Variants in SPG11 observed in about 807,000 individuals in gnomAD.
The protein encoded by SPG11 is spatacsin.
Under a neutral mutation model 274.0 loss-of-function variants are expected in SPG11, and 222 were observed. The observed-to-expected ratio is 0.81, with a 90% CI of 0.73 to 0.91. The LOEUF (loss-of-function observed/expected upper bound fraction) is 0.91, where lower values mean the gene tolerates loss of function less well. Ranked by LOEUF, SPG11 falls within the 40% of genes least tolerant of loss-of-function variation. SPG11 has a pLI of 0.00. For synonymous variants in SPG11, 1,144 were observed against 1,039.7 expected (o/e 1.10, Z -1.93); for missense variants, 3,114 against 2,872.7 (o/e 1.08, Z -1.92).
intron 33 of SPG11, 21 bp from the exon 34 acceptor site, chr15:44,570,679 A>G: frequency 6.2e-7 from 1 of 1,612,326 alleles, no homozygotes; most frequent in Non-Finnish European, 8.5e-7. Flanking sequence ...GGGCACTGGT[A>G]AGATAAGATT....
chr15:44,608,385 T>G, intron 19 of SPG11, 59 bp downstream of exon 19: 2 of 1,560,962 alleles, frequency 1.3e-6, no homozygotes, highest in East Asian at 4.5e-5. Context: ...TCTAGAGTGA[T>G]TTCTGTTTTC....
intron 7 of SPG11, among the ~76,000 whole-genome samples, chr15:44,636,952 A>AAAAAAAAAAAAAAAAAAAAAAAAAAAG (rs2084289783): frequency 7.9e-6 from 1 of 127,368 alleles, no homozygotes; most frequent in Non-Finnish European, 1.6e-5. Flanking sequence ...AAAAAAAAAA[A>AAAAAAAAAAAAAAAAAAAAAAAAAAAG]AAAAACAAAA....
At chr15:44,635,970 A>AT (rs1453454129) in intron 7 of SPG11, among the ~76,000 whole-genome samples, 2 of 152,170 alleles carry the variant, frequency 1.3e-5, no homozygotes, top group Non-Finnish European at 2.9e-5. Context: ...AGCAGTGTGC[A>AT]TAAGAATCAC....
rs777347946 is a variant in SPG11 at position 44,651,854 on chromosome 15, C to T, written c.1093G>A (p.Asp365Asn). The T allele has an allele frequency of 6.2e-6, 10 of 1,613,844 alleles. No homozygotes were observed. Among genetic ancestry groups the T allele is most frequent in the Non-Finnish European group, 8.5e-6 (10 of 1,179,860 alleles). ...EVSCCAPWFQ[D>N]ILHLESPESG... ...TCAGGTGACTCCAAATGCAAAATAT[C>T]CTGGAACCATGGAGCACAACAGGAA... The change falls in exon 6 of 40, where the codon GAT becomes AAT. Residue 365 changes from aspartate to asparagine, a missense_variant. Coordinates refer to ENST00000261866, the MANE Select transcript of SPG11 (RefSeq NM_025137.4).
At chr15:44,651,999 A>G in intron 5 of SPG11, 60 bp from the exon 6 acceptor site, 1 of 1,576,340 alleles carries the variant, frequency 6.3e-7, no homozygotes, top group Non-Finnish European at 8.6e-7. Flanking sequence ...TATGTAAAAC[A>G]CTAAACCAGG....
At chr15:44,660,705 G>A in intron 1 of SPG11, 89 bp from the exon 2 acceptor site, 1 of 1,238,508 alleles carries the variant, frequency 8.1e-7, no homozygotes, top group Non-Finnish European at 1.2e-6. Flanking sequence ...AATAAGTAGA[G>A]AACAGTTTAG....
rs1382892389 is a variant in SPG11 at position 44,620,330 on chromosome 15, T to C, written c.2694A>G (p.Leu898=). 1.2e-6 allele frequency: 2 copies of C among 1,614,036 alleles called. No homozygotes were observed. Among genetic ancestry groups the C allele is most frequent in the African/African-American group, 1.3e-5 (1 of 75,012 alleles). The change falls in exon 15 of 40, where the codon TTA becomes TTG. Residue 898 remains leucine (L), a synonymous_variant. Transcript: ENST00000261866. ...GCTGGGTTTGAAATTCTCCAATCCA[T>C]AAGATAATGTTTAACCAATCATGGC... ...TARHDWLNII[L]WIGEFQTQHS...
At chr15:44,614,621 C>G (rs186983532) in intron 16 of SPG11, among the ~76,000 whole-genome samples, 4 of 152,314 alleles carry the variant, frequency 2.6e-5, no homozygotes, top group African/African-American at 9.6e-5. Flanking sequence ...AGAATTAAAT[C>G]AGCTCTTCCA....
At chr15:44,633,415 T>A in intron 8 of SPG11, 90 bp downstream of exon 8, 1 of 840,568 alleles carries the variant, frequency 1.2e-6, no homozygotes. Flanking sequence ...GGCAAGTAAA[T>A]GAGTCATCAG....
chr15:44,617,424 G>C (rs116105922), intron 15 of SPG11, among the ~76,000 whole-genome samples: 1,909 of 152,294 alleles, frequency 0.013, 50 homozygotes, highest in African/African-American at 0.044. Flanking sequence ...AATCTGATTA[G>C]ATTTTTTTCC....
chr15:44,658,524 T>C (rs536884527), intron 3 of SPG11, among the ~76,000 whole-genome samples: 1 of 151,794 alleles, frequency 6.6e-6, no homozygotes, highest in East Asian at 1.9e-4. Flanking sequence ...AGTGGTACGA[T>C]CTTGGCTCAC....
At chr15:44,582,242 C>T (rs1381471838) in intron 30 of SPG11, among the ~76,000 whole-genome samples, 1 of 151,912 alleles carries the variant, frequency 6.6e-6, no homozygotes. Flanking sequence ...TACCTTGATA[C>T]AAAAACCAAA....
chr15:44,618,367 A>G (rs939752506), intron 15 of SPG11, among the ~76,000 whole-genome samples: 1 of 150,016 alleles, frequency 6.7e-6, no homozygotes, highest in Non-Finnish European at 1.5e-5. Flanking sequence ...GAAAAAAAAA[A>G]ATTAGCCAGG....
chr15:44,578,019 C>CTTT (rs1179057683), intron 30 of SPG11, among the ~76,000 whole-genome samples: 77 of 117,544 alleles, frequency 6.6e-4, no homozygotes, highest in Non-Finnish European at 9.3e-4. Context: ...GCCTTCTTTC[C>CTTT]TTTTTTTTTT....
rs866501552 is a variant in SPG11 at position 44,563,152 on chromosome 15, CCTGT to C, written c.7297_7300del (p.Thr2433ValfsTer4). The C allele has an allele frequency of 1.2e-6, 2 of 1,614,150 alleles. No homozygotes were observed. The highest frequency in any genetic ancestry group is 1.7e-5 in the Admixed American group (1 of 60,018). On this transcript the variant is annotated frameshift_variant, in exon 40 of 40. Coordinates refer to ENST00000261866, the MANE Select transcript of SPG11 (RefSeq NM_025137.4). LOFTEE classifies it high-confidence loss of function. ...TGCTAGCATGTCCTTTAGACAGCAA[CCTGT>C]CTGAGGGTCCTTCAGAAGCACATTT... is the stretch of plus-strand genomic sequence containing the variant.
Position 44,595,326 on chromosome 15 carries a change from A to G in SPG11, c.4568T>C (p.Ile1523Thr). The G allele has an allele frequency of 6.2e-7, 1 of 1,614,218 alleles. No individual in the cohort carries two copies. The highest frequency in any genetic ancestry group is 8.5e-7 in the Non-Finnish European group (1 of 1,180,038). ...HTWNLEDLSV[I>T]WRTLLTRQKS... Reference sequence around the variant, plus strand: ...TTGTCTTGTTAATAATGTTCTCCAGATGACTGAAAGATCCTCAAGGTTCCA... The same window carrying G: ...TTGTCTTGTTAATAATGTTCTCCAGGTGACTGAAAGATCCTCAAGGTTCCA... Residue 1523 changes from isoleucine (I) to threonine (T), a missense_variant, in exon 26 of 40, where the codon ATC (isoleucine) becomes ACC (threonine). By Grantham distance (89) the Ile-to-Thr change is moderately conservative. Coordinates refer to ENST00000261866, the MANE Select transcript of SPG11 (RefSeq NM_025137.4).
rs376136484 is a variant in SPG11, at chr15:44,663,656, G to A, written c.-9C>T. 23 of 1,588,934 alleles carry A rather than the reference G, an allele frequency of 1.4e-5. No individual in the cohort carries two copies. Among genetic ancestry groups the A allele is most frequent in the East Asian group, 4.5e-5 (2 of 44,534 alleles). ...CCTTCCTCTGCAGCCATCTTGGCCC[G>A]GCGGTTACTTCCGGTCACTTTCGCC... On this transcript the variant is annotated 5_prime_UTR_variant, in exon 1 of 40. Coordinates refer to ENST00000261866, the MANE Select transcript of SPG11 (RefSeq NM_025137.4).
chr15:44,635,358 T>C (rs2084207807), intron 7 of SPG11, among the ~76,000 whole-genome samples: 1 of 151,926 alleles, frequency 6.6e-6, no homozygotes, highest in Admixed American at 6.6e-5. Context: ...GAAGACTGCT[T>C]GAGCCCAGGA....
At chr15:44,649,894 CAAA>C (rs79848684) in intron 6 of SPG11, among the ~76,000 whole-genome samples, 1 of 119,846 alleles carries the variant, frequency 8.3e-6, no homozygotes. Flanking sequence ...GACTCCATAT[CAAA>C]AAAAAAAAAA....
Sources: allele counts gnomAD v4.1 joint callset (sites outside exome capture counted in the v4.1 genomes callset), GRCh38; gene constraint gnomAD v4.1.1; transcripts MANE v1.5; gene names NCBI Gene and HGNC (gene_info 2026-07-23, HGNC 2026-07-21).